The following MAP4K4 variants were observed in gnomAD, a reference collection of about 807,000 sequenced individuals.
MAP4K4 encodes the protein HPK/GCK-like kinase HGK.
A neutral mutation model predicts 189.6 loss-of-function variants in MAP4K4; 38 were observed. That is an observed-to-expected ratio of 0.20 (90% CI 0.15 to 0.26). MAP4K4 has a LOEUF of 0.26. Ranked by LOEUF, MAP4K4 falls within the 10% of genes least tolerant of loss-of-function variation. The pLI is 1.00. For synonymous variants in MAP4K4, 610 were observed against 624.3 expected (o/e 0.98, Z 0.34); for missense variants, 1,054 against 1,726.9 (o/e 0.61, Z 6.91).
intron 2 of MAP4K4, among the ~76,000 whole-genome samples, chr2:101,729,803 T>G (rs1365613367): frequency 2.0e-5 from 3 of 152,164 alleles, no homozygotes; most frequent in African/African-American, 7.2e-5. Context: ...CCTTCTCTGG[T>G]GAAATCTTGT....
intron 2 of MAP4K4, among the ~76,000 whole-genome samples, chr2:101,736,601 G>A (rs887436381): frequency 3.9e-5 from 6 of 152,150 alleles, no homozygotes; most frequent in African/African-American, 9.7e-5. Context: ...ATAATAACTC[G>A]TTCTATTGCT....
chr2:101,864,688 C>T (rs2097766238), intron 17 of MAP4K4, among the ~76,000 whole-genome samples: 1 of 152,158 alleles, frequency 6.6e-6, no homozygotes, highest in Non-Finnish European at 1.5e-5. Context: ...GTCCAAACAT[C>T]ATTTAAATGT....
intron 3 of MAP4K4, among the ~76,000 whole-genome samples, chr2:101,791,311 C>T (rs2092844580): frequency 1.3e-5 from 2 of 151,854 alleles, no homozygotes; most frequent in African/African-American, 2.4e-5. Context: ...TTGAAATGGT[C>T]GCATGAGGAT....
At chr2:101,727,313 C>T (rs2149520048) in intron 2 of MAP4K4, among the ~76,000 whole-genome samples, 1 of 152,278 alleles carries the variant, frequency 6.6e-6, no homozygotes, top group Admixed American at 6.5e-5. Context: ...AAAGGATTTG[C>T]TTCTGCAAAA....
chr2:101,867,827 T>G, intron 20 of MAP4K4: 2 of 548,424 alleles, frequency 3.6e-6, no homozygotes, highest in Non-Finnish European at 6.5e-6. Flanking sequence ...TTCTCACCCT[T>G]CTCTTTTAAT....
chr2:101,798,482 C>T (rs947800479), intron 3 of MAP4K4, among the ~76,000 whole-genome samples: 3 of 152,162 alleles, frequency 2.0e-5, no homozygotes, highest in African/African-American at 7.2e-5. Context: ...TGATGTTTTA[C>T]ATTTTTCATG....
chr2:101,732,190 A>C (rs1052478009), intron 2 of MAP4K4, among the ~76,000 whole-genome samples: 10 of 152,180 alleles, frequency 6.6e-5, no homozygotes, highest in African/African-American at 2.4e-4. Context: ...GTAATTTACC[A>C]TGGCCCTGGG....
intron 3 of MAP4K4, among the ~76,000 whole-genome samples, chr2:101,792,655 A>G (rs1052158926): frequency 1.8e-4 from 26 of 142,300 alleles, no homozygotes; most frequent in Non-Finnish European, 3.0e-5. Flanking sequence ...TTATTTTTTG[A>G]GATGGAGTCT....
chr2:101,848,548 A>G (rs992513770), intron 12 of MAP4K4, among the ~76,000 whole-genome samples: 2 of 152,206 alleles, frequency 1.3e-5, no homozygotes, highest in African/African-American at 4.8e-5. Flanking sequence ...GCAAAACATG[A>G]TCCAGAAAGT....
intron 29 of MAP4K4, among the ~76,000 whole-genome samples, chr2:101,886,002 G>A (rs1443580822): frequency 6.6e-6 from 1 of 152,138 alleles, no homozygotes; most frequent in African/African-American, 2.4e-5. Context: ...TATTGAAGGG[G>A]TAGGTTTCAT....
rs1287616154 is a variant in MAP4K4, at chr2:101,749,297, G to C, written c.124-41423G>C. 1.1e-4 allele frequency among the ~76,000 whole-genome samples: 17 copies of C among 150,956 alleles called. No homozygotes were observed. The South Asian group carries it at 1.7e-3, about 15-fold the overall frequency. On this transcript the variant is annotated intron_variant, in intron 2 of 32. Coordinates refer to ENST00000324219, the Ensembl canonical transcript of MAP4K4. ...ACAGTAACCAAAACAGCATGGTACT[G>C]GTACCAAAACAGAGATATAGATCAA... is the stretch of plus-strand genomic sequence containing the variant.
At chr2:101,886,334 T>G (rs1404793280) in intron 29 of MAP4K4, among the ~76,000 whole-genome samples, 1 of 152,184 alleles carries the variant, frequency 6.6e-6, no homozygotes, top group Non-Finnish European at 1.5e-5. Flanking sequence ...CAGGCTGTTG[T>G]AGCACATACA....
chr2:101,847,441 T>G (rs2097144759), intron 12 of MAP4K4, among the ~76,000 whole-genome samples: 1 of 152,220 alleles, frequency 6.6e-6, no homozygotes, highest in African/African-American at 2.4e-5. Context: ...CCATGTGTGT[T>G]ATTTGCCCTT....
intron 22 of MAP4K4, 25 bp downstream of exon 22, chr2:101,869,822 C>A: frequency 6.7e-7 from 1 of 1,502,626 alleles, no homozygotes; most frequent in Non-Finnish European, 8.9e-7. Flanking sequence ...TCTTTTAGAG[C>A]GGATGAGAGT....
intron 2 of MAP4K4, among the ~76,000 whole-genome samples, chr2:101,752,976 A>G (rs749857404): frequency 6.6e-6 from 1 of 152,234 alleles, no homozygotes; most frequent in Non-Finnish European, 1.5e-5. Flanking sequence ...CTGCAGGACA[A>G]TGCCAGTTCT....
At chr2:101,825,012 G>A (rs73943796) in intron 4 of MAP4K4, among the ~76,000 whole-genome samples, 1,766 of 152,298 alleles carry the variant, frequency 0.012, 35 homozygotes, top group African/African-American at 0.04. Flanking sequence ...TAATTGGGTA[G>A]TGATGAAGAG....
exon 1 of MAP4K4, chr2:101,697,941 G>GCCA (rs1298768738): frequency 3.7e-5 from 10 of 268,504 alleles, no homozygotes; most frequent in Non-Finnish European, 6.3e-5. Context: ...CGCCGCCGCC[G>GCCA]CCCGCGGCCC....
At chr2:101,787,094 G>C (rs1294713058) in intron 2 of MAP4K4, among the ~76,000 whole-genome samples, 2 of 152,108 alleles carry the variant, frequency 1.3e-5, no homozygotes, top group East Asian at 3.9e-4. Flanking sequence ...TTTAAAGAAT[G>C]GATGATACAA....
At chr2:101,708,418 C>G (rs142873622) in intron 2 of MAP4K4, among the ~76,000 whole-genome samples, 1 of 152,262 alleles carries the variant, frequency 6.6e-6, no homozygotes, top group East Asian at 1.9e-4. Flanking sequence ...TGTGACCTTA[C>G]TGTGTGACCT....
Sources: gnomAD v4.1 joint callset for allele counts (sites outside exome capture counted in the v4.1 genomes callset) on GRCh38, gnomAD v4.1.1 for gene constraint, MANE v1.5 for transcripts, NCBI Gene and HGNC (gene_info 2026-07-23, HGNC 2026-07-21) for gene names.